The following CTNNA3 variants were observed in gnomAD, a reference collection of about 807,000 sequenced individuals.
The protein encoded by CTNNA3 is catenin alpha-3.
A neutral mutation model predicts 95.7 loss-of-function variants in CTNNA3; 76 were observed. The ratio of observed to expected loss-of-function variants is 0.79; its 90% confidence interval spans 0.66 to 0.96. CTNNA3 has a LOEUF of 0.96. Among genes scored for constraint, CTNNA3 ranks in the 40% least tolerant of loss-of-function variants. The probability of loss-of-function intolerance (pLI) is 0.00; values close to 1 mark genes in which losing one functional copy is unlikely to be tolerated. For missense variants in CTNNA3, 1,191 were observed against 1,089.8 expected (o/e 1.09, Z -1.31); for synonymous variants, 431 against 374.4 (o/e 1.15, Z -1.74).
At chr10:67,566,989 G>C (rs1368499484) in intron 3 of CTNNA3, among the ~76,000 whole-genome samples, 1 of 132,238 alleles carries the variant, frequency 7.6e-6, no homozygotes, top group Non-Finnish European at 1.5e-5. Flanking sequence ...CATGGACACA[G>C]AAAGGGGAAC....
At chr10:66,516,940 G>C (rs559340336) in intron 11 of CTNNA3, among the ~76,000 whole-genome samples, 4 of 152,196 alleles carry the variant, frequency 2.6e-5, no homozygotes, top group African/African-American at 9.6e-5. Context: ...ACCTTGAACT[G>C]GGCCGGGCAA....
At chr10:66,452,685 G>T (rs917722251) in intron 11 of CTNNA3, among the ~76,000 whole-genome samples, 2 of 152,106 alleles carry the variant, frequency 1.3e-5, no homozygotes, top group Admixed American at 1.3e-4. Flanking sequence ...CTGTTCCTGT[G>T]AATAACATTA....
chr10:67,654,507 G>A (rs2396143), intron 1 of CTNNA3, among the ~76,000 whole-genome samples: 4,999 of 146,018 alleles, frequency 0.034, 84 homozygotes, highest in Middle Eastern at 0.076. Flanking sequence ...TTTTTTTGGA[G>A]GCAGGGTCAC....
chr10:67,205,288 G>A (rs772883876), intron 6 of CTNNA3, among the ~76,000 whole-genome samples: 7 of 152,026 alleles, frequency 4.6e-5, no homozygotes, highest in African/African-American at 9.7e-5. Flanking sequence ...TTGCAAAGTC[G>A]GTTTCAGTCC....
rs116545219 is a variant in CTNNA3 at position 67,298,304 on chromosome 10, T to C, written c.580-78434A>G. On this transcript the variant is annotated intron_variant, in intron 5 of 17. Coordinates refer to ENST00000433211, the MANE Select transcript of CTNNA3 (RefSeq NM_013266.4). ...GTAGCCCATCCGAAGGTAATATGTA[T>C]TGCATTCAAAATCCGAAGTGTCTCA... Among the ~76,000 whole-genome samples, 611 of 152,308 alleles carry C rather than the reference T, an allele frequency of 4.0e-3. 4 individuals are homozygous for C. The highest frequency in any genetic ancestry group is 0.014 in the African/African-American group (589 of 41,562).
intron 5 of CTNNA3, among the ~76,000 whole-genome samples, chr10:67,343,576 A>G (rs1446338176): frequency 6.6e-6 from 1 of 152,158 alleles, no homozygotes; most frequent in Non-Finnish European, 1.5e-5. Context: ...GCATATAGAA[A>G]TGCTACTGAT....
chr10:65,955,520 G>C (rs1036518222), intron 17 of CTNNA3, among the ~76,000 whole-genome samples: 4 of 152,126 alleles, frequency 2.6e-5, no homozygotes, highest in Non-Finnish European at 1.5e-5. Flanking sequence ...TATTGGCTGA[G>C]GGTTTGTCAT....
At chr10:66,637,816 C>T (rs1309349812) in intron 9 of CTNNA3, among the ~76,000 whole-genome samples, 2 of 152,112 alleles carry the variant, frequency 1.3e-5, no homozygotes, top group Non-Finnish European at 2.9e-5. Context: ...AAGTTAGAGT[C>T]CTACCCTCAC....
At chr10:66,950,869 T>C (rs550524558) in intron 7 of CTNNA3, among the ~76,000 whole-genome samples, 154 of 152,268 alleles carry the variant, frequency 1.0e-3, no homozygotes, top group African/African-American at 3.6e-3. Context: ...TCTTAACCCA[T>C]TTTATAGGTA....
upstream of CTNNA3, among the ~76,000 whole-genome samples, chr10:67,698,564 T>G (rs530773481): frequency 1.3e-5 from 2 of 152,154 alleles, no homozygotes; most frequent in African/African-American, 4.8e-5. Context: ...AAATCCCTTA[T>G]AGAATGAAAA....
chr10:66,238,741 T>C (rs2132032329), intron 13 of CTNNA3, among the ~76,000 whole-genome samples: 1 of 152,058 alleles, frequency 6.6e-6, no homozygotes, highest in East Asian at 1.9e-4. Flanking sequence ...GAAATAGTTA[T>C]CTCTGGGTGA....
intron 12 of CTNNA3, among the ~76,000 whole-genome samples, chr10:66,321,697 A>G (rs1414054975): frequency 6.6e-6 from 1 of 152,058 alleles, no homozygotes; most frequent in Non-Finnish European, 1.5e-5. Flanking sequence ...ATATTTTTAT[A>G]CTCTCCGAGT....
chr10:67,591,354 T>C (rs1188175917), intron 3 of CTNNA3, among the ~76,000 whole-genome samples: 1 of 151,974 alleles, frequency 6.6e-6, no homozygotes, highest in Non-Finnish European at 1.5e-5. Flanking sequence ...TATTGGATAC[T>C]TAAGAAACCA....
At position 67,673,564 on chromosome 10, in the gene CTNNA3, G is replaced by C. The variant is rs1174226791; in HGVS notation, c.-6+22436C>G. On this transcript the variant is annotated intron_variant, in intron 1 of 17. Coordinates refer to ENST00000433211, the MANE Select transcript of CTNNA3 (RefSeq NM_013266.4). The stretch of plus-strand genomic sequence containing the variant: ...ATACCTAATTTATTGAGAGTTTTTA[G>C]CATGAAGGGTTGTTGAATTTTGTCA... 5.4e-5 allele frequency among the ~76,000 whole-genome samples: 8 copies of C among 147,800 alleles called. No individual in the cohort carries two copies. In the East Asian group the frequency reaches 1.6e-3, roughly 30 times the overall value.
rs945391080 is a variant in CTNNA3 at position 66,495,229 on chromosome 10, G to A, written c.1531+25388C>T. ...TTTGGCTAGCCCATAAACTCTCAGA[G>A]TTCTTTATACATCCCACCGCCTTAG... is the stretch of plus-strand genomic sequence containing the variant. On this transcript the variant is annotated intron_variant, in intron 11 of 17. Transcript: ENST00000433211. Among the ~76,000 whole-genome samples, 5 of 152,028 alleles carry A rather than the reference G, an allele frequency of 3.3e-5. No individual in the cohort carries two copies. In the East Asian group the frequency reaches 7.7e-4, roughly 23 times the overall value.
chr10:66,355,343 A>T (rs2092600732), intron 12 of CTNNA3, among the ~76,000 whole-genome samples: 1 of 152,074 alleles, frequency 6.6e-6, no homozygotes, highest in Non-Finnish European at 1.5e-5. Context: ...GCAAATCTTT[A>T]AAATGAAAAT....
intron 10 of CTNNA3, among the ~76,000 whole-genome samples, chr10:66,522,381 T>A (rs1053080836): frequency 6.6e-6 from 1 of 152,130 alleles, no homozygotes; most frequent in Non-Finnish European, 1.5e-5. Context: ...TCATCTTGAA[T>A]TGTAGTTCTC....
At chr10:66,416,436 T>C (rs2093146470) in intron 11 of CTNNA3, among the ~76,000 whole-genome samples, 1 of 151,868 alleles carries the variant, frequency 6.6e-6, no homozygotes, top group South Asian at 2.1e-4. Flanking sequence ...GATTTAAACA[T>C]CCAGATACAG....
At chr10:66,834,635 C>G (rs779976789) in intron 7 of CTNNA3, among the ~76,000 whole-genome samples, 1 of 152,298 alleles carries the variant, frequency 6.6e-6, no homozygotes, top group South Asian at 2.1e-4. Flanking sequence ...AGAAATGAAA[C>G]AGTCAACAGC....
Sources: gnomAD v4.1 joint callset for allele counts (sites outside exome capture counted in the v4.1 genomes callset) on GRCh38, gnomAD v4.1.1 for gene constraint, MANE v1.5 for transcripts, NCBI Gene and HGNC (gene_info 2026-07-23, HGNC 2026-07-21) for gene names.